TGM2: variants seen among roughly 807,000 people sequenced by gnomAD.
The protein encoded by TGM2 is protein-glutamine gamma-glutamyltransferase 2.
TGM2 carries 53 observed loss-of-function variants against 75.6 expected under a neutral mutation model. The observed-to-expected ratio is 0.70, with a 90% CI of 0.56 to 0.88. TGM2 has a LOEUF of 0.88. Among genes scored for constraint, TGM2 ranks in the 40% least tolerant of loss-of-function variants. The pLI, the probability that TGM2 is intolerant of heterozygous loss-of-function variation, is 0.00. For synonymous variants in TGM2, 374 were observed against 381.1 expected (o/e 0.98, Z 0.22); for missense variants, 842 against 928.5 (o/e 0.91, Z 1.21).
chr20:38,132,667 C>A (rs773699013), intron 10 of TGM2, 167 bp from the exon 11 acceptor site: 1 of 935,140 alleles, frequency 1.1e-6, no homozygotes, highest in Admixed American at 1.9e-5. Context: ...GGGTTCCCAG[C>A]GAGGAGCTGG....
intron 6 of TGM2, among the ~76,000 whole-genome samples, chr20:38,142,574 T>C (rs2074989648): frequency 6.6e-6 from 1 of 152,172 alleles, no homozygotes. Flanking sequence ...GGCATGGTGG[T>C]GCACGCCTGT....
At position 38,131,349 on chromosome 20, in the gene TGM2, A is replaced by ACCCCCC. The variant is rs111895659; in HGVS notation, c.1777-126_1777-121dup. Reference sequence around the variant, plus strand: ...AGCTGTACCCAGGTCTGCCACGATCACCCCCCCTCCCCCCACCTCTGTGCC... The same window carrying ACCCCCC: ...AGCTGTACCCAGGTCTGCCACGATCACCCCCCCCCCCCCTCCCCCCACCTCTGTGCC... On this transcript the variant is annotated intron_variant, in intron 11 of 12. Coordinates refer to ENST00000361475, the MANE Select transcript of TGM2 (RefSeq NM_004613.4). The ACCCCCC allele has an allele frequency of 3.1e-5, 41 of 1,312,774 alleles. No homozygotes were observed. The African/African-American group carries it at 4.2e-4, about 13-fold the overall frequency. 81.3% of individuals were successfully genotyped at this position (1,312,774 alleles called of 1,614,324 possible).
At chr20:38,162,805 A>G (rs1741551077) in intron 1 of TGM2, among the ~76,000 whole-genome samples, 1 of 152,138 alleles carries the variant, frequency 6.6e-6, no homozygotes, top group Non-Finnish European at 1.5e-5. Flanking sequence ...GGGGCAGGAG[A>G]CACCACGGTG....
intron 3 of TGM2, among the ~76,000 whole-genome samples, chr20:38,151,368 C>G (rs45532841): frequency 0.019 from 2,884 of 152,110 alleles, 98 homozygotes; most frequent in African/African-American, 0.066. Flanking sequence ...CTTGAAAGCC[C>G]CATTTTAAAG....
rs138331433 is a variant in TGM2 at position 38,153,528 on chromosome 20, A to AAAAAGAAAAAAAAAAAAAAAG, written c.433+2318_433+2319insCTTTTTTTTTTTTTTTCTTTT. Among the ~76,000 whole-genome samples, 225 of 125,246 alleles carry AAAAAGAAAAAAAAAAAAAAAG rather than the reference A, an allele frequency of 1.8e-3. 3 individuals are homozygous for AAAAAGAAAAAAAAAAAAAAAG. The highest frequency in any genetic ancestry group is 7.1e-3 in the African/African-American group (210 of 29,730). 82.2% of individuals were successfully genotyped at this position (125,246 alleles called of 152,430 possible). On this transcript the variant is annotated intron_variant, in intron 3 of 12. Transcript: ENST00000361475. The stretch of plus-strand genomic sequence containing the variant: ...TGACAGAGAGAGCCTTGGTCTCAAA[A>AAAAAGAAAAAAAAAAAAAAAG]AAAAGAAAAAAAAAAAAAGAATGAA...
At position 38,141,448 on chromosome 20, in the gene TGM2, C is replaced by T. The variant is rs1336621198; in HGVS notation, c.996-63G>A. 15 of 1,249,832 alleles carry T rather than the reference C, an allele frequency of 1.2e-5. No homozygotes were observed. The Admixed American group carries it at 1.6e-4, about 13-fold the overall frequency. The allele number at this position is 1,249,832 out of a possible 1,614,324, so 77.4% of individuals were successfully genotyped here. A position where few individuals can be genotyped will look rare whatever the true frequency, so the allele number is the denominator to read the frequency against. On this transcript the variant is annotated intron_variant, in intron 7 of 12. Transcript: ENST00000361475. ...GAGCAACATTCATCGCCACCTCCCA[C>T]GGGCAGACCATGCATTCATGTCCCC...
chr20:38,168,173 G>A (rs2075324564), upstream of TGM2, among the ~76,000 whole-genome samples: 1 of 152,200 alleles, frequency 6.6e-6, no homozygotes. Flanking sequence ...CCACCTGAGT[G>A]ACGCATGGCG....
intron 12 of TGM2, among the ~76,000 whole-genome samples, chr20:38,130,760 C>A (rs976292457): frequency 6.6e-6 from 1 of 152,188 alleles, no homozygotes; most frequent in African/African-American, 2.4e-5. Flanking sequence ...TGGAAACACC[C>A]ACGCATGCAT....
chr20:38,129,719 C>T lies in TGM2; in HGVS notation c.*500G>A, dbSNP rs1357269325. 1.2e-5 allele frequency: 2 copies of T among 164,396 alleles called. No individual in the cohort carries two copies. Among genetic ancestry groups the T allele is most frequent in the African/African-American group, 2.4e-5 (1 of 41,722 alleles). The allele number at this position is 164,396 out of a possible 1,614,324, so 10.2% of individuals were successfully genotyped here. ...CTGGGATGTGGAGGGGACCTTGGGC[C>T]TATCACTGTCCCCACCCAGCTCTGG... On this transcript the variant is annotated 3_prime_UTR_variant, in exon 13 of 13. Transcript: ENST00000361475.
intron 10 of TGM2, among the ~76,000 whole-genome samples, chr20:38,137,573 C>T (rs45614638): frequency 6.6e-6 from 1 of 152,348 alleles, no homozygotes; most frequent in East Asian, 1.9e-4. Context: ...ATAGGCGGTG[C>T]AGACTCAGCA....
Position 38,141,262 on chromosome 20 carries a change from G to C in TGM2, c.1099+20C>G, listed in dbSNP as rs371085989. 14 of 1,547,866 alleles carry C rather than the reference G, an allele frequency of 9.0e-6. No individual in the cohort carries two copies. The highest frequency in any genetic ancestry group is 1.1e-5 in the Non-Finnish European group (13 of 1,142,524). On this transcript the variant is annotated intron_variant, in intron 8 of 12. Coordinates refer to ENST00000361475, the MANE Select transcript of TGM2 (RefSeq NM_004613.4). ...CTCGTCTTCCCCATCTGTTTGACGC[G>C]ACAGTGCCCGCCCACGCACCTTCGC...
At chr20:38,158,536 A>G (rs1465020346) in intron 2 of TGM2, among the ~76,000 whole-genome samples, 1 of 151,074 alleles carries the variant, frequency 6.6e-6, no homozygotes, top group Non-Finnish European at 1.5e-5. Flanking sequence ...GGTTCCCTTC[A>G]CTCCTCCAGG....
chr20:38,156,444 C>T (rs2075188649), intron 2 of TGM2, among the ~76,000 whole-genome samples: 1 of 152,288 alleles, frequency 6.6e-6, no homozygotes, highest in Non-Finnish European at 1.5e-5. Context: ...TCTCTGGGAT[C>T]ACCTGGCCCC....
Position 38,130,361 on chromosome 20 carries a change from G to A in TGM2, c.1922C>T (p.Pro641Leu), listed in dbSNP as rs776355908. The A allele has an allele frequency of 8.8e-6, 14 of 1,591,994 alleles. No homozygotes were observed. Among genetic ancestry groups the A allele is most frequent in the South Asian group, 1.1e-5 (1 of 87,304 alleles). ...EEQKTVEIPD[P>L]VEAGEEVKVR... is the part of the protein sequence containing the mutation. ...CTTAACTTCCTCCCCTGCCTCCACG[G>A]GGTCTGGGCTGCAGGGAGAGAGGGG... The change falls in exon 13 of 13, where the codon CCC (proline) becomes CTC (leucine). Residue 641 changes from proline (P) to leucine (L), a missense_variant. Transcript: ENST00000361475.
At chr20:38,159,519 T>C (rs372988749) in intron 2 of TGM2, among the ~76,000 whole-genome samples, 20 of 120,268 alleles carry the variant, frequency 1.7e-4, no homozygotes, top group Middle Eastern at 4.5e-3. Flanking sequence ...ATAAAAGTTT[T>C]AAAAAAGAAA....
At chr20:38,131,347 T>C (rs1273198638) in intron 11 of TGM2, 118 bp from the exon 12 acceptor site, 14 of 1,361,654 alleles carry the variant, frequency 1.0e-5, no homozygotes, top group Non-Finnish European at 1.4e-5. Context: ...TCTGCCACGA[T>C]CACCCCCCCT....
At chr20:38,166,639 C>T (rs1294274639), upstream of TGM2, 1 of 152,254 alleles carries the variant, frequency 6.6e-6, no homozygotes, top group Non-Finnish European at 1.5e-5. Context: ...CCGGAACAAG[C>T]TCTACATCTA....
chr20:38,131,455 C>T (rs1464656590), intron 11 of TGM2, among the ~76,000 whole-genome samples: 1 of 151,214 alleles, frequency 6.6e-6, no homozygotes, highest in Non-Finnish European at 1.5e-5. Flanking sequence ...CTCCACGTGA[C>T]CCAGGGGATG....
At chr20:38,167,586 G>A (rs574551026), upstream of TGM2, among the ~76,000 whole-genome samples, 2 of 152,194 alleles carry the variant, frequency 1.3e-5, no homozygotes, top group South Asian at 2.1e-4. Context: ...TGATCTGCAC[G>A]CCTCGACCTC....
Sources: gnomAD v4.1 joint callset for allele counts (sites outside exome capture counted in the v4.1 genomes callset) on GRCh38, gnomAD v4.1.1 for gene constraint, MANE v1.5 for transcripts, NCBI Gene and HGNC (gene_info 2026-07-23, HGNC 2026-07-21) for gene names.